Variants in RAB3C observed in about 807,000 individuals in gnomAD.
RAB3C encodes ras-related protein Rab-3C.
A neutral mutation model predicts 26.4 loss-of-function variants in RAB3C; 17 were observed. The ratio of observed to expected loss-of-function variants is 0.64; its 90% CI spans 0.44 to 0.97. RAB3C has a LOEUF of 0.97. Among genes scored for constraint, RAB3C ranks in the 50% least tolerant of loss-of-function variants. The pLI, the probability that RAB3C is intolerant of heterozygous loss-of-function variation, is 0.00. For synonymous variants in RAB3C, 91 were observed against 95.9 expected (o/e 0.95, Z 0.30); for missense variants, 242 against 281.9 (o/e 0.86, Z 1.01).
intron 3 of RAB3C, among the ~76,000 whole-genome samples, chr5:58,816,226 A>G (rs1219202098): frequency 6.6e-6 from 1 of 152,152 alleles, no homozygotes; most frequent in Non-Finnish European, 1.5e-5. Flanking sequence ...GAAGTGAAAG[A>G]AATACCCATA....
At chr5:58,698,514 G>A (rs1748767566) in intron 2 of RAB3C, among the ~76,000 whole-genome samples, 1 of 152,206 alleles carries the variant, frequency 6.6e-6, no homozygotes, top group South Asian at 2.1e-4. Flanking sequence ...ATGCCCTGAA[G>A]TGTGTTTTCC....
intron 3 of RAB3C, among the ~76,000 whole-genome samples, chr5:58,773,771 A>G (rs1244300176): frequency 6.6e-6 from 1 of 152,112 alleles, no homozygotes; most frequent in East Asian, 1.9e-4. Flanking sequence ...AGTTGATCCC[A>G]TCACTCCCTA....
chr5:58,810,003 G>A (rs1349745606), intron 3 of RAB3C, among the ~76,000 whole-genome samples: 1 of 152,168 alleles, frequency 6.6e-6, no homozygotes, highest in Non-Finnish European at 1.5e-5. Context: ...CAGAACAGTT[G>A]GAGCAATAAA....
chr5:58,761,063 T>TCTCA (rs370091627), intron 3 of RAB3C, among the ~76,000 whole-genome samples: 29,380 of 144,248 alleles, frequency 0.2, 3,100 homozygotes, highest in East Asian at 0.31. Context: ...TCTCTCTCTC[T>TCTCA]CACACACACA....
intron 2 of RAB3C, among the ~76,000 whole-genome samples, chr5:58,626,440 T>G (rs546371657): frequency 6.6e-6 from 1 of 152,320 alleles, no homozygotes; most frequent in East Asian, 1.9e-4. Flanking sequence ...TACTTTTATA[T>G]TAGGCCTATT....
chr5:58,800,695 C>T (rs1742787834), intron 3 of RAB3C, among the ~76,000 whole-genome samples: 1 of 152,100 alleles, frequency 6.6e-6, no homozygotes, highest in Non-Finnish European at 1.5e-5. Flanking sequence ...GGACTGTCGA[C>T]ATTCTTCTGA....
intron 1 of RAB3C, among the ~76,000 whole-genome samples, chr5:58,615,838 C>T (rs571570632): frequency 5.1e-4 from 78 of 152,124 alleles, no homozygotes; most frequent in Non-Finnish European, 9.8e-4. Flanking sequence ...GAAATACCCA[C>T]GGGTTTTTTG....
At chr5:58,816,810 T>C (rs1458154696) in intron 3 of RAB3C, among the ~76,000 whole-genome samples, 1 of 152,100 alleles carries the variant, frequency 6.6e-6, no homozygotes, top group Non-Finnish European at 1.5e-5. Context: ...GAGATGAAAC[T>C]AGAAGCTAGA....
At chr5:58,723,899 C>T (rs1740827185) in intron 2 of RAB3C, among the ~76,000 whole-genome samples, 1 of 151,682 alleles carries the variant, frequency 6.6e-6, no homozygotes, top group Non-Finnish European at 1.5e-5. Context: ...AAGTTAGATG[C>T]CAATCTCCAG....
At chr5:58,653,568 A>T (rs547988233) in intron 2 of RAB3C, among the ~76,000 whole-genome samples, 2 of 152,302 alleles carry the variant, frequency 1.3e-5, no homozygotes, top group South Asian at 4.1e-4. Flanking sequence ...TCAATTATAG[A>T]CTGGATAAAG....
chr5:58,596,769 A>T (rs1332052447), intron 1 of RAB3C, among the ~76,000 whole-genome samples: 1 of 104,524 alleles, frequency 9.6e-6, no homozygotes, highest in Non-Finnish European at 1.7e-5. Flanking sequence ...TAAATATATA[A>T]TATATAATAC....
At chr5:58,765,432 T>C (rs1022531005) in intron 3 of RAB3C, among the ~76,000 whole-genome samples, 1 of 152,164 alleles carries the variant, frequency 6.6e-6, no homozygotes, top group Non-Finnish European at 1.5e-5. Flanking sequence ...TTTATGAAAA[T>C]AAAACTCGCT....
At chr5:58,775,112 TGA>T (rs1742099363) in intron 3 of RAB3C, among the ~76,000 whole-genome samples, 1 of 152,126 alleles carries the variant, frequency 6.6e-6, no homozygotes, top group Admixed American at 6.5e-5. Flanking sequence ...TGCAATCATC[TGA>T]GAGAGAAGTG....
rs1744319678 is a variant in RAB3C at position 58,858,756 on chromosome 5, T to C, written c.*7405T>C. The C allele has an allele frequency of 6.6e-6, 1 of 152,220 alleles. No homozygotes were observed. Among genetic ancestry groups the C allele is most frequent in the Non-Finnish European group, 1.5e-5 (1 of 68,032 alleles). 9.4% of individuals were successfully genotyped at this position (152,220 alleles called of 1,614,324 possible). On this transcript the variant is annotated 3_prime_UTR_variant, in exon 5 of 5. Transcript: ENST00000282878. ...ACTGGCCCTTTGAAACCATTCAAATTACCCCAGTTTAGCTCCCTACCTTTT... is the reference window on the plus strand; with the variant it reads ...ACTGGCCCTTTGAAACCATTCAAATCACCCCAGTTTAGCTCCCTACCTTTT...
intron 2 of RAB3C, among the ~76,000 whole-genome samples, chr5:58,713,173 GGT>G: frequency 1.3e-5 from 2 of 151,994 alleles, no homozygotes; most frequent in Non-Finnish European, 2.9e-5. Flanking sequence ...GAGGTAGTGG[GGT>G]CATCTCTAAA....
At position 58,625,612 on chromosome 5, in the gene RAB3C, A is replaced by G. The variant is rs556708216; in HGVS notation, c.252+7742A>G. Among the ~76,000 whole-genome samples, 6 of 152,182 alleles carry G rather than the reference A, an allele frequency of 3.9e-5. No homozygotes were observed. The South Asian group carries it at 1.0e-3, about 26-fold the overall frequency. On this transcript the variant is annotated intron_variant, in intron 2 of 4. Transcript: ENST00000282878. ...TGTGGCTTATGCCTGTAATCCCAGCACTTTGGGAGGCCGAGGTGGGTGGAT... is the reference window on the plus strand; with the variant it reads ...TGTGGCTTATGCCTGTAATCCCAGCGCTTTGGGAGGCCGAGGTGGGTGGAT...
At chr5:58,755,224 T>C (rs1394644548) in intron 3 of RAB3C, among the ~76,000 whole-genome samples, 2 of 152,230 alleles carry the variant, frequency 1.3e-5, no homozygotes, top group Non-Finnish European at 2.9e-5. Context: ...TCTGACTTCT[T>C]ATTCTAGGGC....
At chr5:58,735,445 C>G (rs550730820) in intron 3 of RAB3C, among the ~76,000 whole-genome samples, 37 of 152,216 alleles carry the variant, frequency 2.4e-4, no homozygotes, top group African/African-American at 7.5e-4. Flanking sequence ...AATTATAATT[C>G]CCACCATTTT....
At chr5:58,693,322 T>TCA (rs1748610402) in intron 2 of RAB3C, among the ~76,000 whole-genome samples, 1 of 75,238 alleles carries the variant, frequency 1.3e-5, no homozygotes, top group Non-Finnish European at 2.6e-5. Flanking sequence ...AATTAAGAAA[T>TCA]TATATATATA....
Sources: gnomAD v4.1 joint callset for allele counts (sites outside exome capture counted in the v4.1 genomes callset) on GRCh38, gnomAD v4.1.1 for gene constraint, MANE v1.5 for transcripts, NCBI Gene and HGNC (gene_info 2026-07-23, HGNC 2026-07-21) for gene names.